Variants in GCN1 observed in about 807,000 individuals in gnomAD.
GCN1 encodes stalled ribosome sensor GCN1.
A neutral mutation model predicts 288.4 loss-of-function variants in GCN1; 90 were observed. The observed-to-expected ratio is 0.31, with a 90% CI of 0.26 to 0.37. The LOEUF is 0.37. Among genes scored for constraint, GCN1 ranks in the 10% least tolerant of loss-of-function variants. GCN1 has a pLI of 1.00. For synonymous variants in GCN1, 1,386 were observed against 1,420.2 expected (o/e 0.98, Z 0.54); for missense variants, 2,586 against 3,419.9 (o/e 0.76, Z 6.08).
intron 5 of GCN1, among the ~76,000 whole-genome samples, chr12:120,182,872 A>G (rs757240946): frequency 2.5e-4 from 37 of 147,934 alleles, no homozygotes; most frequent in Non-Finnish European, 5.1e-4. Context: ...CCCAGGAGGC[A>G]GAGGTTGCAG....
In GCN1 at chr12:120,140,717, G is replaced by T; in HGVS notation, c.5994+142C>A. The T allele has an allele frequency of 1.4e-6, 1 of 723,256 alleles. No homozygotes were observed. Among genetic ancestry groups the T allele is most frequent in the Non-Finnish European group, 2.2e-6 (1 of 453,558 alleles). 44.8% of individuals were successfully genotyped at this position (723,256 alleles called of 1,614,324 possible). On this transcript the variant is annotated intron_variant, in intron 45 of 57. Transcript: ENST00000300648. ...GCCTCAAGTCCATGTGGCCCAGCCAGCACCTCCCCAGAGTGAGACTGGCTC... is the reference window on the plus strand; with the variant it reads ...GCCTCAAGTCCATGTGGCCCAGCCATCACCTCCCCAGAGTGAGACTGGCTC...
chr12:120,138,814 C>T lies in GCN1; in HGVS notation c.6037G>A (p.Ala2013Thr), dbSNP rs1370808805. Reference protein sequence around the residue: ...SESLVPTARKALCDPLEEVRE... With the variant: ...SESLVPTARKTLCDPLEEVRE... ...ACCTCCTCCAGTGGGTCACACAAAG[C>T]CTTCCTTGCCGTGGGCACGAGGGAT... The change falls in exon 46 of 58, where the codon GCT (alanine) becomes ACT (threonine). Residue 2013 changes from alanine to threonine, a missense_variant. Transcript: ENST00000300648. 4.3e-6 allele frequency: 7 copies of T among 1,613,866 alleles called. No individual in the cohort carries two copies. Among genetic ancestry groups the T allele is most frequent in the Non-Finnish European group, 5.1e-6 (6 of 1,179,850 alleles).
At position 120,160,166 on chromosome 12, in the gene GCN1, C is replaced by T. The variant is rs1453967973; in HGVS notation, c.2526G>A (p.Ala842=). The change falls in exon 23 of 58, where the codon GCG becomes GCA. Residue 842 remains alanine (A), a synonymous_variant. Transcript: ENST00000300648. Reference sequence around the variant, plus strand: ...CCTCCTGCAGCCGCCTCCGGACCTGCGCCTCCCTGTCTAGCTGGGCCTGCA... The same window carrying T: ...CCTCCTGCAGCCGCCTCCGGACCTGTGCCTCCCTGTCTAGCTGGGCCTGCA... ...EMLQAQLDRE[A]QVRRRLQELD... 2.5e-6 allele frequency: 4 copies of T among 1,612,088 alleles called. No homozygotes were observed. Among genetic ancestry groups the T allele is most frequent in the South Asian group, 1.1e-5 (1 of 91,078 alleles).
intron 2 of GCN1, among the ~76,000 whole-genome samples, chr12:120,185,555 C>T (rs780593279): frequency 1.4e-4 from 21 of 152,216 alleles, no homozygotes; most frequent in South Asian, 2.1e-4. Flanking sequence ...CATTCATACA[C>T]ATTCACTCAT....
intron 34 of GCN1, 96 bp downstream of exon 34, chr12:120,151,049 C>T (rs951001114): frequency 1.3e-5 from 18 of 1,356,580 alleles, no homozygotes; most frequent in Middle Eastern, 1.8e-4. Flanking sequence ...GCACAAGCAA[C>T]GGCCTCCACC....
intron 15 of GCN1, among the ~76,000 whole-genome samples, chr12:120,169,490 A>G (rs992773044): frequency 2.0e-4 from 31 of 151,740 alleles, no homozygotes; most frequent in African/African-American, 6.8e-4. Context: ...CTATGTCTGG[A>G]CATAAAATTG....
chr12:120,151,045 G>C, intron 34 of GCN1, 100 bp downstream of exon 34: 1 of 1,325,766 alleles, frequency 7.5e-7, no homozygotes. Context: ...ACACGCACAA[G>C]CAACGGCCTC....
At chr12:120,172,144 G>A (rs568997839) in intron 14 of GCN1, among the ~76,000 whole-genome samples, 1 of 152,160 alleles carries the variant, frequency 6.6e-6, no homozygotes, top group Admixed American at 6.5e-5. Context: ...GATTACAGGC[G>A]TGAGCCAGCT....
intron 14 of GCN1, among the ~76,000 whole-genome samples, chr12:120,172,811 G>A (rs1035018316): frequency 6.6e-6 from 1 of 152,022 alleles, no homozygotes; most frequent in Non-Finnish European, 1.5e-5. Flanking sequence ...GCCTCTCCTA[G>A]ATGCTTCTTT....
At position 120,150,324 on chromosome 12, in the gene GCN1, C is replaced by T. The variant is rs1435981902; in HGVS notation, c.4310-281G>A. 3.9e-5 allele frequency among the ~76,000 whole-genome samples: 6 copies of T among 152,226 alleles called. 1 individual carries two copies. Among genetic ancestry groups the T allele is most frequent in the East Asian group, 3.9e-4 (2 of 5,176 alleles). The stretch of plus-strand genomic sequence containing the variant: ...AAAAAAGCCAAACCTTGGCCGGGCG[C>T]GGTGGCTCACACCCATAATCCCAAC... On this transcript the variant is annotated intron_variant, in intron 34 of 57. Transcript: ENST00000300648.
At chr12:120,180,987 G>A (rs1450771348) in intron 5 of GCN1, among the ~76,000 whole-genome samples, 2 of 139,850 alleles carry the variant, frequency 1.4e-5, no homozygotes, top group East Asian at 2.5e-4. Flanking sequence ...GCGAGACTCC[G>A]TCTCAAAAAA....
At chr12:120,131,396 G>A in intron 54 of GCN1, 63 bp from the exon 55 acceptor site, 1 of 1,521,750 alleles carries the variant, frequency 6.6e-7, no homozygotes, top group South Asian at 1.2e-5. Context: ...GCACCCATGA[G>A]GCCCATGGGC....
chr12:120,145,257 CT>C lies in GCN1; in HGVS notation c.5016+4del. ...GGCCCATCCCCCAGCCTACCTCAGA[CT>C]CACCTCAGGCACAGGGTCCAAAAGC... On this transcript the variant is annotated splice_donor_region_variant and intron_variant, in intron 39 of 57. Transcript: ENST00000300648. 6.3e-7 allele frequency: 1 copy of C among 1,595,642 alleles called. No homozygotes were observed. Among genetic ancestry groups the C allele is most frequent in the Non-Finnish European group, 8.5e-7 (1 of 1,170,660 alleles).
chr12:120,175,628 T>G (rs1463158182), intron 11 of GCN1, 118 bp downstream of exon 11: 1 of 1,065,932 alleles, frequency 9.4e-7, no homozygotes, highest in Non-Finnish European at 1.4e-6. Flanking sequence ...GACGTCCCCC[T>G]GGCCACACAG....
chr12:120,143,377 G>A (rs988038051), intron 42 of GCN1, among the ~76,000 whole-genome samples: 2 of 152,110 alleles, frequency 1.3e-5, no homozygotes, highest in Non-Finnish European at 2.9e-5. Flanking sequence ...GAGGTCGGGG[G>A]TTCGAGACCA....
chr12:120,145,245 G>C lies in GCN1; in HGVS notation c.5016+17C>G. ...GATGAGGGGCCTGGCCCATCCCCCAGCCTACCTCAGACTCACCTCAGGCAC... is the reference window on the plus strand; with the variant it reads ...GATGAGGGGCCTGGCCCATCCCCCACCCTACCTCAGACTCACCTCAGGCAC... On this transcript the variant is annotated intron_variant, in intron 39 of 57. Coordinates refer to ENST00000300648, the MANE Select transcript of GCN1 (RefSeq NM_006836.2). 1 of 1,586,052 alleles carries C rather than the reference G, an allele frequency of 6.3e-7. No homozygotes were observed. The highest frequency in any genetic ancestry group is 8.6e-7 in the Non-Finnish European group (1 of 1,165,194).
In GCN1 at chr12:120,155,816, T is replaced by A; in HGVS notation, c.3313-97A>T. On this transcript the variant is annotated intron_variant, in intron 28 of 57. Transcript: ENST00000300648. The surrounding 1 kb of genome is among the most constrained non-coding windows in gnomAD (Gnocchi z 4.9). ...TCTCTAGGTTGTACTGTCCAAGATGTAGCCACTAACCGCATGTGGCTAAAG... is the reference window on the plus strand; with the variant it reads ...TCTCTAGGTTGTACTGTCCAAGATGAAGCCACTAACCGCATGTGGCTAAAG... 1.7e-6 allele frequency: 2 copies of A among 1,209,994 alleles called. No homozygotes were observed. Among genetic ancestry groups the A allele is most frequent in the Non-Finnish European group, 2.4e-6 (2 of 842,250 alleles). The allele number at this position is 1,209,994 out of a possible 1,614,324, so 75.0% of individuals were successfully genotyped here. A position where few individuals can be genotyped will look rare whatever the true frequency, so the allele number is the denominator to read the frequency against.
chr12:120,165,163 C>T (rs977872733), intron 16 of GCN1, among the ~76,000 whole-genome samples: 1 of 151,882 alleles, frequency 6.6e-6, no homozygotes, highest in Non-Finnish European at 1.5e-5. Flanking sequence ...TCTCCTGCCT[C>T]GGCCTCTCGA....
Position 120,168,221 on chromosome 12 carries a change from C to T in GCN1, c.1599G>A (p.Met533Ile), listed in dbSNP as rs1312625287. The change falls in exon 16 of 58, where the codon ATG (methionine) becomes ATA (isoleucine). Residue 533 changes from methionine to isoleucine, a missense_variant. Physicochemically the swap from Met to Ile is conservative, Grantham distance 10. This residue lies in a region of GCN1 where 913 missense variants were observed against 1,107.0 expected (regional missense o/e 0.82). Coordinates refer to ENST00000300648, the MANE Select transcript of GCN1 (RefSeq NM_006836.2). ...QVFTSEKFLV[M>I]ASEDALCTVL... ...GGAGTAACTTACCATCCTCTGAAGCCATGACCAGGAATTTCTCAGAAGTGA... is the reference window on the plus strand; with the variant it reads ...GGAGTAACTTACCATCCTCTGAAGCTATGACCAGGAATTTCTCAGAAGTGA... The T allele has an allele frequency of 1.3e-6, 2 of 1,573,556 alleles. No homozygotes were observed. The highest frequency in any genetic ancestry group is 8.7e-7 in the Non-Finnish European group (1 of 1,142,992).
Sources: allele counts gnomAD v4.1 joint callset (sites outside exome capture counted in the v4.1 genomes callset), GRCh38; gene constraint gnomAD v4.1.1; regional missense constraint gnomAD v4.1.1; non-coding constraint Gnocchi (gnomAD v3.1); transcripts MANE v1.5; gene names NCBI Gene and HGNC (gene_info 2026-07-23, HGNC 2026-07-21).